The following MARCHF3 variants were observed in gnomAD, a reference collection of about 807,000 sequenced individuals.
The protein encoded by MARCHF3 is membrane associated ring-CH-type finger 3.
In MARCHF3, 13 loss-of-function variants were observed where a neutral mutation model predicts 24.2. That is an observed-to-expected ratio of 0.54 (90% CI 0.35 to 0.85). MARCHF3 has a LOEUF of 0.85. Among genes scored for constraint, MARCHF3 ranks in the 40% least tolerant of loss-of-function variants. MARCHF3 has a pLI of 0.01. For synonymous variants in MARCHF3, 144 were observed against 137.3 expected, an observed-to-expected ratio of 1.05 and a Z score of -0.34; for missense variants, 276 against 325.0, an observed-to-expected ratio of 0.85 and a Z score of 1.16.
intron 3 of MARCHF3, among the ~76,000 whole-genome samples, chr5:126,890,201 A>G (rs1375356806): frequency 6.6e-6 from 1 of 151,722 alleles, no homozygotes; most frequent in Non-Finnish European, 1.5e-5. Flanking sequence ...GATTATGTTT[A>G]ATGTTTGTAG....
At chr5:127,012,412 T>G (rs1025396773) in intron 1 of MARCHF3, among the ~76,000 whole-genome samples, 2 of 152,142 alleles carry the variant, frequency 1.3e-5, no homozygotes, top group African/African-American at 4.8e-5. Context: ...TAGCAAAAAG[T>G]GAAAGACTCA....
intron 1 of MARCHF3, among the ~76,000 whole-genome samples, chr5:126,921,203 C>A (rs1351776209): frequency 6.6e-6 from 1 of 152,118 alleles, no homozygotes; most frequent in Non-Finnish European, 1.5e-5. Flanking sequence ...TGAGTCCCAA[C>A]AGCCCTGAAA....
chr5:126,998,661 T>C (rs1330235467), intron 1 of MARCHF3, among the ~76,000 whole-genome samples: 44 of 152,160 alleles, frequency 2.9e-4, no homozygotes, highest in Admixed American at 2.9e-3. Flanking sequence ...GGCCACCTCA[T>C]GAATGTTTTA....
chr5:126,898,901 A>G, intron 3 of MARCHF3: 3 of 985,296 alleles, frequency 3.0e-6, no homozygotes, highest in Non-Finnish European at 3.6e-6. Context: ...ATCTGACTTC[A>G]ATCTTCACAA....
At chr5:126,986,062 A>G (rs1751554510) in intron 1 of MARCHF3, among the ~76,000 whole-genome samples, 1 of 152,226 alleles carries the variant, frequency 6.6e-6, no homozygotes, top group African/African-American at 2.4e-5. Flanking sequence ...TTATGGAAAT[A>G]TGTTCATTGT....
At chr5:126,992,829 T>C (rs1046723017) in intron 1 of MARCHF3, among the ~76,000 whole-genome samples, 6 of 143,996 alleles carry the variant, frequency 4.2e-5, no homozygotes, top group African/African-American at 1.3e-4. Flanking sequence ...TGGAGTGCAG[T>C]GGCGCGATCT....
chr5:126,989,872 C>T (rs949813442), intron 1 of MARCHF3, among the ~76,000 whole-genome samples: 1 of 151,930 alleles, frequency 6.6e-6, no homozygotes, highest in Non-Finnish European at 1.5e-5. Context: ...GCCTGTAATC[C>T]CAGCACTTTG....
At chr5:126,944,863 G>A (rs1749956439) in intron 1 of MARCHF3, among the ~76,000 whole-genome samples, 1 of 152,172 alleles carries the variant, frequency 6.6e-6, no homozygotes. Context: ...TATATCTTGT[G>A]AGGAATAAGT....
chr5:126,881,772 C>T (rs558838898), intron 3 of MARCHF3, among the ~76,000 whole-genome samples: 2 of 151,916 alleles, frequency 1.3e-5, no homozygotes, highest in Non-Finnish European at 2.9e-5. Flanking sequence ...TTTTTTTGTA[C>T]ATTATTTTCT....
chr5:126,921,196 G>T (rs1269516221), intron 1 of MARCHF3, among the ~76,000 whole-genome samples: 1 of 152,084 alleles, frequency 6.6e-6, no homozygotes, highest in East Asian at 1.9e-4. Context: ...CCAGCAATGA[G>T]TCCCAACAGC....
chr5:126,890,736 C>A (rs984429243), intron 3 of MARCHF3, among the ~76,000 whole-genome samples: 4 of 150,810 alleles, frequency 2.7e-5, no homozygotes, highest in African/African-American at 9.8e-5. Flanking sequence ...TGAATAATGC[C>A]GCAATAAACA....
chr5:126,955,678 T>C (rs930190524), intron 1 of MARCHF3, among the ~76,000 whole-genome samples: 8 of 152,232 alleles, frequency 5.3e-5, no homozygotes, highest in Admixed American at 5.2e-4. Flanking sequence ...TTATACTGAT[T>C]TGTAAGGATT....
intron 1 of MARCHF3, among the ~76,000 whole-genome samples, chr5:127,018,617 C>A (rs1182964783): frequency 1.3e-5 from 2 of 152,020 alleles, no homozygotes; most frequent in Non-Finnish European, 2.9e-5. Context: ...TGCAAAGGAC[C>A]AGAGGTGGGA....
chr5:126,960,995 T>C (rs1018226052), intron 1 of MARCHF3, among the ~76,000 whole-genome samples: 5 of 152,122 alleles, frequency 3.3e-5, no homozygotes, highest in Non-Finnish European at 7.4e-5. Flanking sequence ...TAAGGAGAAA[T>C]TGCTCATTAT....
At chr5:127,004,266 C>CT (rs904652914) in intron 1 of MARCHF3, among the ~76,000 whole-genome samples, 3 of 152,096 alleles carry the variant, frequency 2.0e-5, no homozygotes, top group African/African-American at 7.3e-5. Context: ...GGGGCTGTGC[C>CT]TTTAGCAAAC....
intron 1 of MARCHF3, among the ~76,000 whole-genome samples, chr5:126,992,794 C>T (rs186109689): frequency 4.9e-5 from 5 of 102,496 alleles, no homozygotes; most frequent in African/African-American, 1.9e-4. Context: ...TTTTTTGAGA[C>T]GGAGTCTGGC....
In MARCHF3 at chr5:126,903,104, G is replaced by C. The variant is rs767214225; in HGVS notation, c.393+11826C>G. Among the ~76,000 whole-genome samples the C allele has an allele frequency of 1.1e-4, 16 of 152,226 alleles. No homozygotes were observed. The Middle Eastern group carries it at 0.01, about 97-fold the overall frequency. On this transcript the variant is annotated intron_variant, in intron 3 of 4. Transcript: ENST00000308660. Reference sequence around the variant, plus strand: ...TGTGGGCACAATAGGAAGGAGATCAGTAGGTTCGGTCTATAATACTCTGAA... The same window carrying C: ...TGTGGGCACAATAGGAAGGAGATCACTAGGTTCGGTCTATAATACTCTGAA...
intron 1 of MARCHF3, among the ~76,000 whole-genome samples, chr5:127,000,665 G>A (rs1161499983): frequency 6.6e-6 from 1 of 152,118 alleles, no homozygotes; most frequent in Non-Finnish European, 1.5e-5. Context: ...GATCATTCAT[G>A]ACTCTTGAGT....
chr5:126,900,435 T>C (rs1754065572), intron 3 of MARCHF3, among the ~76,000 whole-genome samples: 1 of 151,922 alleles, frequency 6.6e-6, no homozygotes, highest in African/African-American at 2.4e-5. Context: ...CAAAAGAGAC[T>C]CCAGAGAACT....
Sources: allele counts gnomAD v4.1 joint callset (sites outside exome capture counted in the v4.1 genomes callset), GRCh38; gene constraint gnomAD v4.1.1; transcripts MANE v1.5; gene names NCBI Gene and HGNC (gene_info 2026-07-23, HGNC 2026-07-21).